Variants in PDE6B observed in about 807,000 individuals in gnomAD.
PDE6B encodes the protein phosphodiesterase 6B.
A neutral mutation model predicts 109.0 loss-of-function variants in PDE6B; 106 were observed. The observed-to-expected ratio is 0.97, with a 90% CI of 0.83 to 1.14. PDE6B has a LOEUF of 1.14. Among genes scored for constraint, PDE6B ranks in the 50% most tolerant of loss-of-function variants. The pLI, the probability that PDE6B is intolerant of heterozygous loss-of-function variation, is 0.00. For synonymous variants in PDE6B, 490 were observed against 471.3 expected, an observed-to-expected ratio of 1.04 and a Z score of -0.51; for missense variants, 1,193 against 1,155.6, an observed-to-expected ratio of 1.03 and a Z score of -0.47.
chr4:633,519 C>T lies in PDE6B; in HGVS notation c.469-1158C>T, dbSNP rs1734492098. On this transcript the variant is annotated intron_variant, in intron 1 of 21. Coordinates refer to ENST00000496514, the MANE Select transcript of PDE6B (RefSeq NM_000283.4). The surrounding 1 kb of genome is among the most constrained non-coding windows in gnomAD (Gnocchi z 4.5). ...AGGGGAAGGGGGTGGAGGGGAGTTG[C>T]GAGGAGTCTGCCCTCTGCTGCTGCA... 2.6e-5 allele frequency among the ~76,000 whole-genome samples: 4 copies of T among 152,124 alleles called. No individual in the cohort carries two copies. Among genetic ancestry groups the T allele is most frequent in the Admixed American group, 6.5e-5 (1 of 15,280 alleles).
intron 3 of PDE6B, among the ~76,000 whole-genome samples, chr4:639,589 C>T (rs537465507): frequency 2.0e-5 from 3 of 152,314 alleles, no homozygotes; most frequent in Non-Finnish European, 2.9e-5. Flanking sequence ...TGGCTGCCAT[C>T]GGCTTGAGCC....
rs995791902 is a variant in PDE6B, at chr4:626,808, C to T, written c.468+714C>T. ...GACGCTTCCCGAGGACAGAGGCGGT[C>T]CTGGCGGGACTGGAGAACAAGAGGG... is the stretch of plus-strand genomic sequence containing the variant. On this transcript the variant is annotated intron_variant, in intron 1 of 21. Coordinates refer to ENST00000496514, the MANE Select transcript of PDE6B (RefSeq NM_000283.4). This position sits in a 1 kb window ranked among gnomAD's most constrained non-coding sequence, Gnocchi z 4.6. 1.3e-5 allele frequency among the ~76,000 whole-genome samples: 2 copies of T among 152,304 alleles called. No homozygotes were observed. The highest frequency in any genetic ancestry group is 3.9e-4 in the East Asian group (2 of 5,182).
chr4:654,022 G>A (rs938089305), intron 4 of PDE6B, 30 bp downstream of exon 4: 1 of 1,613,734 alleles, frequency 6.2e-7, no homozygotes, highest in Non-Finnish European at 8.5e-7. Flanking sequence ...GGGACCCCCT[G>A]CCTGGCCCGA....
intron 1 of PDE6B, among the ~76,000 whole-genome samples, chr4:629,582 C>A (rs2109122112): frequency 6.6e-6 from 1 of 152,346 alleles, no homozygotes; most frequent in Non-Finnish European, 1.5e-5. Flanking sequence ...CTGGTGGGTC[C>A]CCTGCCCCCT....
At chr4:640,253 C>T (rs1242594211) in intron 3 of PDE6B, among the ~76,000 whole-genome samples, 1 of 151,944 alleles carries the variant, frequency 6.6e-6, no homozygotes, top group African/African-American at 2.4e-5. Flanking sequence ...TAATAAAGTC[C>T]AATTGGCCAG....
intron 10 of PDE6B, 35 bp downstream of exon 10, chr4:657,529 G>C: frequency 6.9e-7 from 1 of 1,450,148 alleles, no homozygotes; most frequent in Non-Finnish European, 9.7e-7. Context: ...GGTCACCCAG[G>C]GGTCACGGCT....
chr4:654,057 A>C (rs1577272054), intron 4 of PDE6B, 23 bp from the exon 5 acceptor site: 1 of 1,612,536 alleles, frequency 6.2e-7, no homozygotes, highest in Non-Finnish European at 8.5e-7. Flanking sequence ...TGACCGCCCC[A>C]CCCTCACCTC....
rs1178411765 is a variant in PDE6B, at chr4:648,403, G to C, written c.712-5449G>C. On this transcript the variant is annotated intron_variant, in intron 3 of 21. Transcript: ENST00000496514. This position sits in a 1 kb window ranked among gnomAD's most constrained non-coding sequence, Gnocchi z 4.5. The stretch of plus-strand genomic sequence containing the variant: ...CTCACGGCTCTTTTTGAAAATAAAA[G>C]TTTGTGATGAGCAAAGATTGGCCCC... Among the ~76,000 whole-genome samples the C allele has an allele frequency of 2.0e-5, 3 of 150,680 alleles. 1 individual carries two copies. The highest frequency in any genetic ancestry group is 7.5e-5 in the African/African-American group (3 of 40,020).
intron 6 of PDE6B, chr4:655,572 C>T (rs1432922748): frequency 2.6e-6 from 1 of 391,256 alleles, no homozygotes; most frequent in African/African-American, 2.1e-5. Flanking sequence ...GCACGGCAGC[C>T]TGGGGAGGAG....
rs953267459 is a variant in PDE6B at position 637,737 on chromosome 4, G to A, written c.711+1768G>A. On this transcript the variant is annotated intron_variant, in intron 3 of 21. Coordinates refer to ENST00000496514, the MANE Select transcript of PDE6B (RefSeq NM_000283.4). ...AGCCGTGCTCTGCCAGCCCTCGCTC[G>A]TCCCCTGCGTGTGCGCAGAGCTGCA... Among the ~76,000 whole-genome samples, 14 of 152,204 alleles carry A rather than the reference G, an allele frequency of 9.2e-5. 1 individual carries two copies. Among genetic ancestry groups the A allele is most frequent in the Admixed American group, 4.6e-4 (7 of 15,280 alleles).
rs758497301 is a variant in PDE6B at position 657,333 on chromosome 4, C to CA, written c.1258-17dup. 3 of 1,612,652 alleles carry CA rather than the reference C, an allele frequency of 1.9e-6. No homozygotes were observed. The highest frequency in any genetic ancestry group is 1.7e-4 in the Middle Eastern group (1 of 6,050). ...CGCCGGGAGCGCTGAGCGCCAGTGA[C>CA]ACTGCCATCCCCTCCAGTCCCTGAC... On this transcript the variant is annotated splice_polypyrimidine_tract_variant and intron_variant, in intron 9 of 21. Coordinates refer to ENST00000496514, the MANE Select transcript of PDE6B (RefSeq NM_000283.4).
In PDE6B at chr4:665,196, C is replaced by T; in HGVS notation, c.2194-59C>T. 1 of 1,293,252 alleles carries T rather than the reference C, an allele frequency of 7.7e-7. No homozygotes were observed. The highest frequency in any genetic ancestry group is 1.1e-6 in the Non-Finnish European group (1 of 901,566). 80.1% of individuals were successfully genotyped at this position (1,293,252 alleles called of 1,614,324 possible). On this transcript the variant is annotated intron_variant, in intron 18 of 21. Coordinates refer to ENST00000496514, the MANE Select transcript of PDE6B (RefSeq NM_000283.4). The surrounding 1 kb of genome is among the most constrained non-coding windows in gnomAD (Gnocchi z 4.0). ...GAGGCTCGGAGCCTCACGGGGCGGG[C>T]CCGGGCCCTTCCGCGTGGGCTCAGA...
At chr4:658,280 C>T (rs139917815) in intron 10 of PDE6B, among the ~76,000 whole-genome samples, 5,145 of 80,212 alleles carry the variant, frequency 0.064, 128 homozygotes, top group Middle Eastern at 0.087. Flanking sequence ...GGCTGTGCGG[C>T]GGGGGCAGGT....
At chr4:657,269 A>G (rs903870535) in intron 9 of PDE6B, 82 bp from the exon 10 acceptor site, 2 of 1,532,040 alleles carry the variant, frequency 1.3e-6, no homozygotes, top group Middle Eastern at 1.9e-4. Flanking sequence ...CTGCCCGCCG[A>G]GCCACGGGGC....
At position 662,274 on chromosome 4, in the gene PDE6B, A is replaced by T. The variant is rs200776148; in HGVS notation, c.1722+33A>T. 5.5e-4 allele frequency: 691 copies of T among 1,249,418 alleles called. No homozygotes were observed. The highest frequency in any genetic ancestry group is 7.1e-4 in the Non-Finnish European group (619 of 871,386). 77.4% of individuals were successfully genotyped at this position (1,249,418 alleles called of 1,614,324 possible). A position where few individuals can be genotyped will look rare whatever the true frequency, so the allele number is the denominator to read the frequency against. On this transcript the variant is annotated intron_variant, in intron 13 of 21. Transcript: ENST00000496514. This position sits in a 1 kb window ranked among gnomAD's most constrained non-coding sequence, Gnocchi z 4.3. Reference sequence around the variant, plus strand: ...GCTGCCAGAATCACCAGGGTTGTGCAGGCCCTCCTGGTACCAAGGGCAGCA... The same window carrying T: ...GCTGCCAGAATCACCAGGGTTGTGCTGGCCCTCCTGGTACCAAGGGCAGCA...
chr4:654,229 G>A (rs546018980), intron 5 of PDE6B, 75 bp downstream of exon 5: 3 of 1,349,962 alleles, frequency 2.2e-6, no homozygotes, highest in South Asian at 1.2e-5. Context: ...GGGCAGGAGA[G>A]GGAGGGATAG....
intron 10 of PDE6B, 99 bp from the exon 11 acceptor site, chr4:658,853 G>T: frequency 1.2e-6 from 1 of 869,002 alleles, no homozygotes; most frequent in South Asian, 1.4e-5. Flanking sequence ...ACAAGCTCTT[G>T]ACAGCACCTT....
chr4:635,628 C>T (rs549666968), intron 2 of PDE6B, among the ~76,000 whole-genome samples: 4 of 152,370 alleles, frequency 2.6e-5, no homozygotes, highest in South Asian at 2.1e-4. Flanking sequence ...CTGGGCTCCA[C>T]GTGCTCATCT....
rs765502053 is a variant in PDE6B, at chr4:663,583, C to G, written c.1921-187C>G. 1.0e-4 allele frequency: 66 copies of G among 629,226 alleles called. No individual in the cohort carries two copies. The highest frequency in any genetic ancestry group is 1.7e-4 in the Non-Finnish European group (61 of 351,246). 39.0% of individuals were successfully genotyped at this position (629,226 alleles called of 1,614,324 possible). A position where few individuals can be genotyped will look rare whatever the true frequency, so the allele number is the denominator to read the frequency against. On this transcript the variant is annotated intron_variant, in intron 15 of 21. Transcript: ENST00000496514. The surrounding 1 kb of genome is among the most constrained non-coding windows in gnomAD (Gnocchi z 4.0). ...TCTGCGTCCCAAGCCGACGATGGAG[C>G]CGCTGGTGGAGAGCTGGGCACCCTG...
Sources: allele counts gnomAD v4.1 joint callset (sites outside exome capture counted in the v4.1 genomes callset), GRCh38; gene constraint gnomAD v4.1.1; non-coding constraint Gnocchi (gnomAD v3.1); transcripts MANE v1.5; gene names NCBI Gene and HGNC (gene_info 2026-07-23, HGNC 2026-07-21).